Variants in MAPRE2 observed in about 807,000 individuals in gnomAD.
The protein encoded by MAPRE2 is microtubule-associated protein RP/EB family member 2.
MAPRE2 carries 13 observed loss-of-function variants against 43.2 expected under a neutral mutation model. The ratio of observed to expected loss-of-function variants is 0.30; its 90% confidence interval spans 0.20 to 0.48. The LOEUF is 0.48. MAPRE2 is among the 20% of genes least tolerant of loss of function. The pLI, the probability that MAPRE2 is intolerant of heterozygous loss-of-function variation, is 0.99. For synonymous variants in MAPRE2, 135 were observed against 148.8 expected (o/e 0.91, Z 0.68); for missense variants, 161 against 400.2 (o/e 0.40, Z 5.10).
rs1906909803 is a variant in MAPRE2 at position 35,067,802 on chromosome 18, C to G, written c.123-2393C>G. On this transcript the variant is annotated intron_variant, in intron 1 of 6. Coordinates refer to ENST00000300249, the MANE Select transcript of MAPRE2 (RefSeq NM_014268.4). ...TATTTTAAATTTTGAATTATTTACC[C>G]TTACTAAGATTATACATAATTTACA... Among the ~76,000 whole-genome samples the G allele has an allele frequency of 2.0e-5, 3 of 152,192 alleles. No individual in the cohort carries two copies. The East Asian group carries it at 5.8e-4, about 29-fold the overall frequency.
At chr18:35,101,459 A>G (rs1005501064) in intron 3 of MAPRE2, among the ~76,000 whole-genome samples, 2 of 152,204 alleles carry the variant, frequency 1.3e-5, no homozygotes, top group Admixed American at 1.3e-4. Flanking sequence ...ACTATTGACT[A>G]TAATCACCCT....
chr18:34,984,736 AAT>A (rs1418665578), intron 1 of MAPRE2, among the ~76,000 whole-genome samples: 2 of 142,478 alleles, frequency 1.4e-5, no homozygotes, highest in Non-Finnish European at 3.0e-5. Context: ...ACATTTTAAT[AAT>A]ATATTATTTA....
At chr18:35,090,407 A>G (rs1471028287) in intron 2 of MAPRE2, among the ~76,000 whole-genome samples, 1 of 152,176 alleles carries the variant, frequency 6.6e-6, no homozygotes, top group Non-Finnish European at 1.5e-5. Flanking sequence ...ATTAGACAGG[A>G]GAAAGGAATG....
chr18:35,073,042 C>A (rs1231238996), intron 2 of MAPRE2, among the ~76,000 whole-genome samples: 1 of 151,946 alleles, frequency 6.6e-6, no homozygotes, highest in Non-Finnish European at 1.5e-5. Flanking sequence ...TTTATAATTT[C>A]CTGGGGAGCT....
chr18:35,086,664 A>G (rs528006061), intron 2 of MAPRE2, among the ~76,000 whole-genome samples: 339 of 152,242 alleles, frequency 2.2e-3, no homozygotes, highest in African/African-American at 7.7e-3. Flanking sequence ...GCAGCATAGA[A>G]AAAAGGAATG....
chr18:34,982,997 G>A (rs1746497816), intron 1 of MAPRE2, among the ~76,000 whole-genome samples: 1 of 152,122 alleles, frequency 6.6e-6, no homozygotes, highest in South Asian at 2.1e-4. Flanking sequence ...CTTGTCTATG[G>A]CTGTGGCAGC....
intron 1 of MAPRE2, chr18:35,005,396 G>T: frequency 1.5e-6 from 1 of 656,280 alleles, no homozygotes. Flanking sequence ...TCCATTGCTG[G>T]CCACACCCAC....
chr18:35,041,319 G>T (rs1905343632), upstream of MAPRE2: 1 of 1,423,794 alleles, frequency 7.0e-7, no homozygotes, highest in Non-Finnish European at 9.2e-7. Context: ...CATGGCAACA[G>T]GCTGGCCACG....
intron 2 of MAPRE2, among the ~76,000 whole-genome samples, chr18:35,078,629 GGCAGCT>G (rs1350872962): frequency 6.6e-6 from 1 of 152,154 alleles, no homozygotes; most frequent in African/African-American, 2.4e-5. Context: ...CTGTATGTGT[GGCAGCT>G]GTGGATGCAA....
chr18:35,049,707 T>C (rs1317034422), intron 1 of MAPRE2, among the ~76,000 whole-genome samples: 11 of 152,324 alleles, frequency 7.2e-5, no homozygotes, highest in Non-Finnish European at 1.5e-4. Context: ...GTCTTCCTGA[T>C]ACTTGTCTGA....
intron 1 of MAPRE2, among the ~76,000 whole-genome samples, chr18:35,061,398 T>C (rs1906519129): frequency 6.6e-6 from 1 of 152,246 alleles, no homozygotes; most frequent in African/African-American, 2.4e-5. Context: ...CATGTTGTCA[T>C]ATGGACAGTG....
At chr18:35,087,394 G>C (rs1907927553) in intron 2 of MAPRE2, among the ~76,000 whole-genome samples, 1 of 152,086 alleles carries the variant, frequency 6.6e-6, no homozygotes, top group Admixed American at 6.6e-5. Flanking sequence ...TACAATTTGG[G>C]TTGTGTTACT....
rs28510276 is a variant in MAPRE2 at position 35,029,524 on chromosome 18, C to T, written c.-8+23971C>T. ...CATTGCCCCACTTTCTCCTGACTTCCTTTGTATGTATATTAAGGAGTTGCC... is the reference window on the plus strand; with the variant it reads ...CATTGCCCCACTTTCTCCTGACTTCTTTTGTATGTATATTAAGGAGTTGCC... On this transcript the variant is annotated intron_variant, in intron 2 of 7. Transcript: ENST00000413393. Among the ~76,000 whole-genome samples, 767 of 152,294 alleles carry T rather than the reference C, an allele frequency of 5.0e-3. 3 individuals are homozygous for T. Among genetic ancestry groups the T allele is most frequent in the African/African-American group, 0.017 (711 of 41,558 alleles).
intron 1 of MAPRE2, among the ~76,000 whole-genome samples, chr18:35,057,507 C>CGTT (rs1761111299): frequency 6.7e-6 from 1 of 149,408 alleles, no homozygotes; most frequent in Non-Finnish European, 1.5e-5. Flanking sequence ...GGAGTGTGTG[C>CGTT]GTGTGTGTGT....
intron 6 of MAPRE2, among the ~76,000 whole-genome samples, chr18:35,133,753 T>C (rs956166477): frequency 6.6e-6 from 1 of 152,176 alleles, no homozygotes; most frequent in Non-Finnish European, 1.5e-5. Flanking sequence ...GAACTCCAAA[T>C]GAAGTGTTGG....
chr18:35,038,968 G>C (rs981257498), upstream of MAPRE2, among the ~76,000 whole-genome samples: 3 of 152,096 alleles, frequency 2.0e-5, no homozygotes, highest in African/African-American at 7.2e-5. Context: ...CCAAATTCTT[G>C]GCCATCATCC....
In MAPRE2 at chr18:35,143,148, T is replaced by C. The variant is rs1165576856; in HGVS notation, c.*2779T>C. ...AATTCCAGAAGGGAACCAAGAACTC[T>C]TCCCTTCCCTGGTGAGTATTTCCAT... On this transcript the variant is annotated 3_prime_UTR_variant, in exon 7 of 7. Transcript: ENST00000300249. The C allele has an allele frequency of 6.6e-6, 1 of 151,950 alleles. No individual in the cohort carries two copies. The highest frequency in any genetic ancestry group is 1.5e-5 in the Non-Finnish European group (1 of 67,986). The allele number at this position is 151,950 out of a possible 1,614,324, so 9.4% of individuals were successfully genotyped here. A position where few individuals can be genotyped will look rare whatever the true frequency, so the allele number is the denominator to read the frequency against.
intron 2 of MAPRE2, among the ~76,000 whole-genome samples, chr18:35,093,632 G>A (rs191027034): frequency 1.3e-5 from 2 of 152,294 alleles, no homozygotes; most frequent in East Asian, 3.9e-4. Flanking sequence ...GGATGAACGT[G>A]GAGGACGTTA....
intron 4 of MAPRE2, among the ~76,000 whole-genome samples, chr18:35,124,889 G>A (rs1046111715): frequency 2.0e-5 from 3 of 152,002 alleles, no homozygotes; most frequent in Non-Finnish European, 2.9e-5. Context: ...CTTGGTCAGC[G>A]GGACATGGAA....
Sources: allele counts gnomAD v4.1 joint callset (sites outside exome capture counted in the v4.1 genomes callset), GRCh38; gene constraint gnomAD v4.1.1; transcripts MANE v1.5; gene names NCBI Gene and HGNC (gene_info 2026-07-23, HGNC 2026-07-21).